CREBBP: variants seen among roughly 807,000 people sequenced by gnomAD.
The protein encoded by CREBBP is CREB-binding protein.
A neutral mutation model predicts 265.0 loss-of-function variants in CREBBP; 19 were observed. That is an observed-to-expected ratio of 0.07 (90% CI 0.05 to 0.11). The LOEUF is 0.11. Among genes scored for constraint, CREBBP ranks in the 10% least tolerant of loss-of-function variants. CREBBP has a pLI of 1.00. For synonymous variants in CREBBP, 1,457 were observed against 1,223.7 expected, an observed-to-expected ratio of 1.19 and a Z score of -3.98; for missense variants, 2,525 against 3,219.0, an observed-to-expected ratio of 0.78 and a Z score of 5.22.
In CREBBP at chr16:3,729,529, C is replaced by T; in HGVS notation, c.5518G>A (p.Val1840Met). 6.2e-7 allele frequency: 1 copy of T among 1,614,102 alleles called. No homozygotes were observed. Among genetic ancestry groups the T allele is most frequent in the Non-Finnish European group, 8.5e-7 (1 of 1,179,984 alleles). Reference protein sequence around the residue: ...AKHCQENKCPVPFCLNIKHKL... With the variant: ...AKHCQENKCPMPFCLNIKHKL... Reference sequence around the variant, plus strand: ...TGTTTGATGTTGAGGCAGAAGGGCACGGGGCATTTGTTTTCTTGGCAGTGC... The same window carrying T: ...TGTTTGATGTTGAGGCAGAAGGGCATGGGGCATTTGTTTTCTTGGCAGTGC... The change falls in exon 31 of 31, where the codon GTG (valine) becomes ATG (methionine). Residue 1840 changes from valine to methionine, a missense_variant. Transcript: ENST00000262367.
rs1280581146 is a variant in CREBBP at position 3,773,826 on chromosome 16, C to G, written c.2388G>C (p.Gln796His). Residue 796 changes from glutamine to histidine, a missense_variant, in exon 13 of 31, where the codon CAG (glutamine) becomes CAC (histidine). Physicochemically the swap from Gln to His is conservative, Grantham distance 24. Coordinates refer to ENST00000262367, the MANE Select transcript of CREBBP (RefSeq NM_004380.3). ...CCCCGCTGGATGACGGGAACTGGTT[C>G]TGTGGCAGAAACTGGCTCTGAGCGG... ...QAPAQSQFLP[Q>H]NQFPSSSGAM... The G allele has an allele frequency of 6.2e-7, 1 of 1,613,038 alleles. No homozygotes were observed. The highest frequency in any genetic ancestry group is 1.1e-5 in the South Asian group (1 of 91,024).
At position 3,731,117 on chromosome 16, in the gene CREBBP, C is replaced by A. The variant is rs2051902577; in HGVS notation, c.5172+75G>T. ...CATCAGGTACAGACACCAACCCGGGCACCCATGCAAAGGGACAGGATGCTT... is the reference window on the plus strand; with the variant it reads ...CATCAGGTACAGACACCAACCCGGGAACCCATGCAAAGGGACAGGATGCTT... On this transcript the variant is annotated intron_variant, in intron 30 of 30. Transcript: ENST00000262367. This position sits in a 1 kb window ranked among gnomAD's most constrained non-coding sequence, Gnocchi z 7.7. 1.3e-6 allele frequency: 2 copies of A among 1,498,258 alleles called. No individual in the cohort carries two copies. Among genetic ancestry groups the A allele is most frequent in the African/African-American group, 1.4e-5 (1 of 73,020 alleles). 92.8% of individuals were successfully genotyped at this position (1,498,258 alleles called of 1,614,324 possible).
Position 3,774,341 on chromosome 16 carries a change from C to G in CREBBP, c.2283+228G>C, listed in dbSNP as rs557809008. ...CAGCCTTGGAACTCCCACATTCTCA[C>G]AAAGCCACACATTCCTATGAATTTG... On this transcript the variant is annotated intron_variant, in intron 12 of 30. Coordinates refer to ENST00000262367, the MANE Select transcript of CREBBP (RefSeq NM_004380.3). 7.9e-5 allele frequency among the ~76,000 whole-genome samples: 12 copies of G among 152,302 alleles called. No individual in the cohort carries two copies. The South Asian group carries it at 2.5e-3, about 32-fold the overall frequency.
chr16:3,756,133 C>A (rs770508215), intron 19 of CREBBP, among the ~76,000 whole-genome samples: 19 of 152,218 alleles, frequency 1.2e-4, no homozygotes, highest in South Asian at 2.1e-4. Flanking sequence ...AAGTATAGGA[C>A]ATAATTACTC....
chr16:3,835,129 G>T (rs545895970), intron 2 of CREBBP, among the ~76,000 whole-genome samples: 1 of 152,136 alleles, frequency 6.6e-6, no homozygotes, highest in African/African-American at 2.4e-5. Flanking sequence ...ACTGCACTCC[G>T]GCCTGGGCAA....
intron 1 of CREBBP, among the ~76,000 whole-genome samples, chr16:3,868,307 C>T (rs138520945): frequency 3.7e-4 from 48 of 129,012 alleles, no homozygotes; most frequent in African/African-American, 1.2e-3. Context: ...AATTTACTAA[C>T]ATCTTAAATA....
chr16:3,744,058 GA>G (rs2052281656), intron 23 of CREBBP, among the ~76,000 whole-genome samples: 1 of 152,086 alleles, frequency 6.6e-6, no homozygotes, highest in South Asian at 2.1e-4. Flanking sequence ...CCTGGCGACA[GA>G]GCGAGAATGT....
intron 18 of CREBBP, 72 bp downstream of exon 18, chr16:3,757,737 C>G: frequency 6.3e-7 from 1 of 1,598,164 alleles, no homozygotes; most frequent in African/African-American, 1.3e-5. Context: ...GGCGTGGTCT[C>G]ATATTAGTAT....
chr16:3,729,322 G>T lies in CREBBP; in HGVS notation c.5725C>A (p.Pro1909Thr). 6.4e-7 allele frequency: 1 copy of T among 1,566,214 alleles called. No individual in the cohort carries two copies. The change falls in exon 31 of 31, where the codon CCC (proline) becomes ACC (threonine). Residue 1909 changes from proline (P) to threonine (T), a missense_variant. Physicochemically the swap from Pro to Thr is conservative, Grantham distance 38. This residue lies in a region of CREBBP where 275 missense variants were observed against 276.5 expected (regional missense o/e 0.99). Coordinates refer to ENST00000262367, the MANE Select transcript of CREBBP (RefSeq NM_004380.3). ...GACATGCTCACGGGTGAGGGTTGGG[G>T]CTGGGCAGGGGGCTGCGGCGTCTGG... ...TPQTPQPPAQ[P>T]QPSPVSMSPA...
chr16:3,808,954 T>C (rs1221191017), intron 3 of CREBBP, among the ~76,000 whole-genome samples: 1 of 152,172 alleles, frequency 6.6e-6, no homozygotes, highest in Non-Finnish European at 1.5e-5. Flanking sequence ...GTCAGTACCG[T>C]TCCCTGAACT....
At chr16:3,735,921 G>C (rs533290342) in intron 28 of CREBBP, 115 bp downstream of exon 28, 3 of 1,552,566 alleles carry the variant, frequency 1.9e-6, no homozygotes, top group East Asian at 2.2e-5. Flanking sequence ...ACGTGCATGT[G>C]TGAACGGAGA....
chr16:3,863,150 C>T (rs1337758984), intron 1 of CREBBP, among the ~76,000 whole-genome samples: 2 of 152,170 alleles, frequency 1.3e-5, no homozygotes, highest in Non-Finnish European at 2.9e-5. Context: ...TTCAAGAGTG[C>T]TACCTGGAAA....
At chr16:3,835,941 G>A (rs534527597) in intron 2 of CREBBP, among the ~76,000 whole-genome samples, 8 of 151,826 alleles carry the variant, frequency 5.3e-5, no homozygotes, top group Non-Finnish European at 1.0e-4. Flanking sequence ...ATGGGAGAAC[G>A]GACAAGCAAA....
At position 3,744,924 on chromosome 16, in the gene CREBBP, G is replaced by A; in HGVS notation, c.3952C>T (p.Pro1318Ser). Residue 1318 changes from proline to serine, a missense_variant, in exon 23 of 31, where the codon CCT becomes TCT. Pro to Ser is a moderately conservative substitution (Grantham distance 74, BLOSUM62 -1). Transcript: ENST00000262367. ...GCACTGAATTTGTTTTCTTTTCGAG[G>A]TCTGCCAGTTTTCTTCAAGCAGTTG... ...CDNCLKKTGR[P>S]RKENKFSAKR... is the part of the protein sequence containing the mutation. 6.2e-7 allele frequency: 1 copy of A among 1,614,000 alleles called. No individual in the cohort carries two copies. The highest frequency in any genetic ancestry group is 2.2e-5 in the East Asian group (1 of 44,886).
chr16:3,841,889 G>A (rs1373937802), intron 2 of CREBBP, among the ~76,000 whole-genome samples: 1 of 152,174 alleles, frequency 6.6e-6, no homozygotes, highest in Non-Finnish European at 1.5e-5. Context: ...TTGGTAAGTT[G>A]GAGGCAGAAA....
At position 3,793,564 on chromosome 16, in the gene CREBBP, T is replaced by G. The variant is rs766317101; in HGVS notation, c.1038A>C (p.Ala346=). 2 of 1,614,004 alleles carry G rather than the reference T, an allele frequency of 1.2e-6. No homozygotes were observed. The highest frequency in any genetic ancestry group is 1.7e-6 in the Non-Finnish European group (2 of 1,180,048). ...PTQAIATGPT[A]DPEKRKLIQQ... ...GTATCAGTTTGCGTTTTTCAGGATC[T>G]GCAGTGGGGCCTGTTGCAATTGCTT... The change falls in exon 4 of 31, where the codon GCA becomes GCC. Residue 346 remains alanine, a synonymous_variant. Coordinates refer to ENST00000262367, the MANE Select transcript of CREBBP (RefSeq NM_004380.3).
chr16:3,798,550 G>A (rs970044700), intron 3 of CREBBP, among the ~76,000 whole-genome samples: 8 of 152,194 alleles, frequency 5.3e-5, no homozygotes, highest in Non-Finnish European at 1.2e-4. Context: ...GAAGATACAC[G>A]AATGGCCAAT....
intron 3 of CREBBP, among the ~76,000 whole-genome samples, chr16:3,808,937 T>G (rs2053883702): frequency 6.6e-6 from 1 of 152,108 alleles, no homozygotes; most frequent in Non-Finnish European, 1.5e-5. Flanking sequence ...AGCCCAGCAT[T>G]ATGCAGGTCA....
intron 27 of CREBBP, 82 bp downstream of exon 27, chr16:3,736,567 GT>G (rs1283257020): frequency 6.4e-7 from 1 of 1,559,320 alleles, no homozygotes; most frequent in African/African-American, 1.4e-5. Context: ...TAATTAACAA[GT>G]ATGCGAATGC....
Sources: allele counts gnomAD v4.1 joint callset (sites outside exome capture counted in the v4.1 genomes callset), GRCh38; gene constraint gnomAD v4.1.1; regional missense constraint gnomAD v4.1.1; non-coding constraint Gnocchi (gnomAD v3.1); transcripts MANE v1.5; gene names NCBI Gene and HGNC (gene_info 2026-07-23, HGNC 2026-07-21).